The following LRMDA variants were observed in gnomAD, a reference collection of about 807,000 sequenced individuals.
LRMDA encodes the protein leucine rich melanocyte differentiation associated, also known as leucine-rich melanocyte differentiation-associated protein.
Under a neutral mutation model 29.8 loss-of-function variants are expected in LRMDA, and 18 were observed. The observed-to-expected ratio is 0.60, with a 90% CI of 0.42 to 0.90. LRMDA has a LOEUF of 0.90. Ranked by LOEUF, LRMDA falls within the 40% of genes least tolerant of loss-of-function variation. The pLI is 0.00. For synonymous variants in LRMDA, 125 were observed against 109.4 expected (o/e 1.14, Z -0.89); for missense variants, 273 against 273.9 (o/e 1.00, Z 0.02).
At chr10:75,755,632 C>T (rs1843022498) in intron 2 of LRMDA, among the ~76,000 whole-genome samples, 2 of 152,186 alleles carry the variant, frequency 1.3e-5, no homozygotes, top group Admixed American at 6.5e-5. Flanking sequence ...ATCTGAGTGA[C>T]AAGAAGGAGC....
intron 2 of LRMDA, among the ~76,000 whole-genome samples, chr10:76,016,302 G>A (rs1026349802): frequency 6.6e-6 from 1 of 151,450 alleles, no homozygotes; most frequent in Non-Finnish European, 1.5e-5. Context: ...TCTAAAAAAG[G>A]TATATTACTC....
intron 2 of LRMDA, among the ~76,000 whole-genome samples, chr10:75,520,526 A>T (rs1310319865): frequency 6.6e-6 from 1 of 152,158 alleles, no homozygotes; most frequent in African/African-American, 2.4e-5. Flanking sequence ...TTTCAGCTCC[A>T]TCAGGTCATT....
chr10:76,087,516 C>G (rs1383016367), intron 5 of LRMDA, among the ~76,000 whole-genome samples: 1 of 152,174 alleles, frequency 6.6e-6, no homozygotes, highest in Non-Finnish European at 1.5e-5. Flanking sequence ...CAAGGTTAGT[C>G]ATACAGGATC....
intron 2 of LRMDA, among the ~76,000 whole-genome samples, chr10:75,465,464 A>G (rs1038741616): frequency 6.6e-6 from 1 of 152,356 alleles, no homozygotes. Flanking sequence ...GACTAGGTAC[A>G]TAGGAAGACC....
At chr10:76,543,551 T>C (rs891129355) in intron 6 of LRMDA, among the ~76,000 whole-genome samples, 7 of 152,196 alleles carry the variant, frequency 4.6e-5, no homozygotes, top group African/African-American at 7.2e-5. Flanking sequence ...GATTGATTAA[T>C]AGGACTTCTG....
intron 6 of LRMDA, among the ~76,000 whole-genome samples, chr10:76,513,313 T>C (rs965668833): frequency 3.3e-5 from 5 of 152,324 alleles, no homozygotes; most frequent in Non-Finnish European, 5.9e-5. Context: ...TCCTTTTTAC[T>C]TTTCAATTTT....
chr10:76,361,512 G>A (rs1325206082), intron 6 of LRMDA, among the ~76,000 whole-genome samples: 1 of 152,156 alleles, frequency 6.6e-6, no homozygotes. Context: ...CCCCTGGTGA[G>A]TGGGCAGGAT....
chr10:76,279,397 A>G (rs1043333886), intron 5 of LRMDA, among the ~76,000 whole-genome samples: 10 of 152,308 alleles, frequency 6.6e-5, no homozygotes, highest in African/African-American at 2.4e-4. Flanking sequence ...TCTTTTATGA[A>G]TTCTTCCTTG....
chr10:76,057,315 G>C (rs1474290976), intron 4 of LRMDA, among the ~76,000 whole-genome samples: 1 of 152,200 alleles, frequency 6.6e-6, no homozygotes, highest in African/African-American at 2.4e-5. Context: ...AGAGCAGGAA[G>C]CATGTTGTAA....
intron 2 of LRMDA, among the ~76,000 whole-genome samples, chr10:75,664,969 C>A (rs1470918977): frequency 6.6e-6 from 1 of 152,134 alleles, no homozygotes; most frequent in Non-Finnish European, 1.5e-5. Context: ...TTTTCAATCT[C>A]CAGATGTGGA....
intron 2 of LRMDA, among the ~76,000 whole-genome samples, chr10:75,719,756 G>A (rs1564548884): frequency 6.6e-6 from 1 of 152,162 alleles, no homozygotes; most frequent in East Asian, 1.9e-4. Context: ...CCCAGTCTGA[G>A]GGGACAGCTT....
At chr10:75,433,667 T>C (rs1167952191) in intron 1 of LRMDA, among the ~76,000 whole-genome samples, 1 of 152,134 alleles carries the variant, frequency 6.6e-6, no homozygotes, top group African/African-American at 2.4e-5. Context: ...CAGACTTTAG[T>C]AGATCCTTCT....
At chr10:75,441,462 G>T (rs577050707) in intron 2 of LRMDA, among the ~76,000 whole-genome samples, 2 of 152,206 alleles carry the variant, frequency 1.3e-5, no homozygotes, top group African/African-American at 4.8e-5. Flanking sequence ...CCAGCTGAAG[G>T]TGTAGTGAAG....
chr10:76,360,016 C>T lies in LRMDA; in HGVS notation c.601+35531C>T, dbSNP rs184177055. ...TTTGTTTTTTTTTATTTTTTTGAGA[C>T]GCAGTTTCGCTCTTGTTGCCCAGGC... is the stretch of plus-strand genomic sequence containing the variant. On this transcript the variant is annotated intron_variant, in intron 6 of 6. Coordinates refer to ENST00000611255, the MANE Select transcript of LRMDA (RefSeq NM_001305581.2). Among the ~76,000 whole-genome samples the T allele has an allele frequency of 5.2e-4, 79 of 151,756 alleles. 2 individuals are homozygous for T. In the East Asian group the frequency reaches 0.012, roughly 23 times the overall value.
chr10:76,244,918 T>C (rs1217179225), intron 5 of LRMDA, among the ~76,000 whole-genome samples: 1 of 152,192 alleles, frequency 6.6e-6, no homozygotes, highest in Non-Finnish European at 1.5e-5. Context: ...CTAGCAGAGC[T>C]AGGGTCTGGC....
At chr10:75,571,344 G>A (rs909451414) in intron 2 of LRMDA, among the ~76,000 whole-genome samples, 20 of 152,158 alleles carry the variant, frequency 1.3e-4, no homozygotes, top group Admixed American at 2.6e-4. Flanking sequence ...ATTGTGTGGA[G>A]AACACATTGT....
intron 2 of LRMDA, among the ~76,000 whole-genome samples, chr10:75,666,176 A>G (rs921946564): frequency 2.0e-5 from 3 of 152,168 alleles, no homozygotes; most frequent in African/African-American, 7.2e-5. Flanking sequence ...TATACTGTAT[A>G]GTTATACAGT....
At chr10:76,020,926 G>C (rs1847964789) in intron 2 of LRMDA, among the ~76,000 whole-genome samples, 1 of 152,146 alleles carries the variant, frequency 6.6e-6, no homozygotes. Context: ...CCCTCAGTTA[G>C]TGTTCTCTTT....
chr10:76,447,039 T>C (rs1842360563), intron 6 of LRMDA, among the ~76,000 whole-genome samples: 2 of 149,456 alleles, frequency 1.3e-5, no homozygotes, highest in South Asian at 4.2e-4. Context: ...GACTCCATAC[T>C]ACTTGATTTC....
Sources: gnomAD v4.1 joint callset for allele counts (sites outside exome capture counted in the v4.1 genomes callset) on GRCh38, gnomAD v4.1.1 for gene constraint, MANE v1.5 for transcripts, NCBI Gene and HGNC (gene_info 2026-07-23, HGNC 2026-07-21) for gene names.